Variants in RAB11FIP4 observed in about 807,000 individuals in gnomAD.
RAB11FIP4 encodes RAB11 family interacting protein 4.
A neutral mutation model predicts 74.3 loss-of-function variants in RAB11FIP4; 23 were observed. The ratio of observed to expected loss-of-function variants is 0.31; its 90% CI spans 0.22 to 0.44. RAB11FIP4 has a LOEUF of 0.44. Ranked by LOEUF, RAB11FIP4 falls within the 20% of genes least tolerant of loss-of-function variation. The pLI is 1.00. For synonymous variants in RAB11FIP4, 360 were observed against 359.9 expected, an observed-to-expected ratio of 1.00 and a Z score of 0.00; for missense variants, 630 against 863.9, an observed-to-expected ratio of 0.73 and a Z score of 3.39.
intron 1 of RAB11FIP4, among the ~76,000 whole-genome samples, chr17:31,406,642 T>C (rs74433706): frequency 0.023 from 3,444 of 152,354 alleles, 50 homozygotes; most frequent in Non-Finnish European, 0.034. Context: ...TTGCATTTTT[T>C]CCATGTTGCT....
chr17:31,416,193 C>A (rs2071146444), intron 1 of RAB11FIP4, among the ~76,000 whole-genome samples: 1 of 152,200 alleles, frequency 6.6e-6, no homozygotes, highest in Non-Finnish European at 1.5e-5. Flanking sequence ...CTGGGCGCCA[C>A]TAATTGCGGA....
intron 3 of RAB11FIP4, among the ~76,000 whole-genome samples, chr17:31,478,744 C>T (rs1447071589): frequency 3.3e-5 from 5 of 152,282 alleles, no homozygotes; most frequent in African/African-American, 1.2e-4. Context: ...GCCAAGTCAA[C>T]AGCAGGTAGT....
chr17:31,530,835 C>G (rs534817835), intron 14 of RAB11FIP4: 132 of 209,940 alleles, frequency 6.3e-4, no homozygotes, highest in Middle Eastern at 5.7e-3. Flanking sequence ...TCCCCAGCAC[C>G]TGCTTCTGCG....
At chr17:31,405,655 G>T (rs1315845923) in intron 1 of RAB11FIP4, among the ~76,000 whole-genome samples, 1 of 152,264 alleles carries the variant, frequency 6.6e-6, no homozygotes, top group Admixed American at 6.5e-5. Flanking sequence ...CACCCAGCCT[G>T]CTCTTTATTT....
Position 31,438,122 on chromosome 17 carries a change from C to T in RAB11FIP4, c.336+4000C>T, listed in dbSNP as rs185293653. Among the ~76,000 whole-genome samples, 894 of 152,194 alleles carry T rather than the reference C, an allele frequency of 5.9e-3. 6 individuals carry two copies. Among genetic ancestry groups the T allele is most frequent in the African/African-American group, 0.02 (839 of 41,528 alleles). On this transcript the variant is annotated intron_variant, in intron 3 of 14. Coordinates refer to ENST00000621161, the MANE Select transcript of RAB11FIP4 (RefSeq NM_032932.6). ...GGTCCATGCATGGGGTCCCTGGAATCGCCCTGGGAGTCCCTCTGAGACTGT... is the reference window on the plus strand; with the variant it reads ...GGTCCATGCATGGGGTCCCTGGAATTGCCCTGGGAGTCCCTCTGAGACTGT...
chr17:31,486,512 AG>A (rs1728692357), intron 3 of RAB11FIP4, among the ~76,000 whole-genome samples: 1 of 152,220 alleles, frequency 6.6e-6, no homozygotes, highest in Admixed American at 6.5e-5. Flanking sequence ...CCTAGCCACA[AG>A]TAACCCTCCT....
intron 3 of RAB11FIP4, among the ~76,000 whole-genome samples, chr17:31,489,143 G>T (rs1335826031): frequency 6.6e-6 from 1 of 152,212 alleles, no homozygotes; most frequent in Non-Finnish European, 1.5e-5. Context: ...TCTGCACTTA[G>T]CCTCCACCAG....
chr17:31,418,256 CA>C (rs776900324), intron 1 of RAB11FIP4, among the ~76,000 whole-genome samples: 8 of 152,012 alleles, frequency 5.3e-5, no homozygotes, highest in Admixed American at 5.2e-4. Flanking sequence ...GGTGTGGTGG[CA>C]GGCACCTGTA....
chr17:31,444,007 T>G (rs1374411528), intron 3 of RAB11FIP4, among the ~76,000 whole-genome samples: 2 of 152,184 alleles, frequency 1.3e-5, no homozygotes. Context: ...CAGAAGGGGC[T>G]TTGCCAAACC....
chr17:31,472,530 A>G (rs1370054410), intron 3 of RAB11FIP4, among the ~76,000 whole-genome samples: 1 of 152,250 alleles, frequency 6.6e-6, no homozygotes, highest in Non-Finnish European at 1.5e-5. Context: ...ACCTGCGCAC[A>G]GGAAGACATG....
At position 31,531,632 on chromosome 17, in the gene RAB11FIP4, A is replaced by G. The variant is rs1267687418; in HGVS notation, c.1814A>G (p.Lys605Arg). The part of the protein sequence containing the change: ...ASRDELMEAL[K>R]EQEEINFRLR... ...TTCCTTCAGCTAATGGAAGCCCTGA[A>G]GGAGCAGGAGGAGATCAACTTCCGG... Residue 605 changes from lysine (K) to arginine (R), a missense_variant, in exon 15 of 15, where the codon AAG (lysine) becomes AGG (arginine). Coordinates refer to ENST00000621161, the MANE Select transcript of RAB11FIP4 (RefSeq NM_032932.6). 5.0e-6 allele frequency: 8 copies of G among 1,613,338 alleles called. No individual in the cohort carries two copies. Among genetic ancestry groups the G allele is most frequent in the Non-Finnish European group, 6.8e-6 (8 of 1,179,384 alleles).
intron 3 of RAB11FIP4, among the ~76,000 whole-genome samples, chr17:31,494,723 C>T (rs906576156): frequency 2.6e-5 from 4 of 152,074 alleles, no homozygotes; most frequent in African/African-American, 9.7e-5. Flanking sequence ...GTGATCCTCC[C>T]ACCGCGGCCC....
In RAB11FIP4 at chr17:31,519,143, T is replaced by C. The variant is rs996244483; in HGVS notation, c.563+1266T>C. Among the ~76,000 whole-genome samples, 3 of 150,366 alleles carry C rather than the reference T, an allele frequency of 2.0e-5. No homozygotes were observed. The South Asian group carries it at 6.5e-4, about 32-fold the overall frequency. On this transcript the variant is annotated intron_variant, in intron 4 of 14. Transcript: ENST00000621161. ...CATTCTCCTGCCTCAGCCTCCCAAGTAGCTGGGACTATAGGTGCCCACCAC... is the reference window on the plus strand; with the variant it reads ...CATTCTCCTGCCTCAGCCTCCCAAGCAGCTGGGACTATAGGTGCCCACCAC...
intron 3 of RAB11FIP4, among the ~76,000 whole-genome samples, chr17:31,516,757 G>A (rs558750075): frequency 3.9e-5 from 6 of 152,350 alleles, no homozygotes; most frequent in East Asian, 1.9e-4. Flanking sequence ...GTGAGCCACC[G>A]TGCCTAGAGA....
Position 31,437,100 on chromosome 17 carries a change from T to A in RAB11FIP4, c.336+2978T>A, listed in dbSNP as rs193258922. 1.2e-4 allele frequency among the ~76,000 whole-genome samples: 19 copies of A among 152,266 alleles called. No homozygotes were observed. In the East Asian group the frequency reaches 3.1e-3, roughly 25 times the overall value. On this transcript the variant is annotated intron_variant, in intron 3 of 14. Transcript: ENST00000621161. Reference sequence around the variant, plus strand: ...TGGGTGAACTCCTTTCTGCCCTCCATGGAGGTCTGGCCCCGGCTTGGTTGG... The same window carrying A: ...TGGGTGAACTCCTTTCTGCCCTCCAAGGAGGTCTGGCCCCGGCTTGGTTGG...
chr17:31,523,432 G>A, intron 7 of RAB11FIP4, 80 bp from the exon 8 acceptor site: 1 of 1,121,000 alleles, frequency 8.9e-7, no homozygotes, highest in Non-Finnish European at 1.4e-6. Flanking sequence ...GGTACTGGAT[G>A]CTCGCCTAGC....
At chr17:31,505,701 A>C (rs1238511974) in intron 3 of RAB11FIP4, among the ~76,000 whole-genome samples, 14 of 118,510 alleles carry the variant, frequency 1.2e-4, no homozygotes, top group African/African-American at 4.4e-4. Context: ...ATAATTATAT[A>C]TAATATATTA....
rs901448334 is a variant in RAB11FIP4, at chr17:31,522,127, C to T, written c.893+78C>T. 31 of 1,573,954 alleles carry T rather than the reference C, an allele frequency of 2.0e-5. No individual in the cohort carries two copies. The African/African-American group carries it at 3.2e-4, about 16-fold the overall frequency. The stretch of plus-strand genomic sequence containing the variant: ...CTGGAGGGAGAAGCTACGGGCATGG[C>T]GAGGCGACCCCTGCTGTCTGGGCAG... On this transcript the variant is annotated intron_variant, in intron 6 of 14. Coordinates refer to ENST00000621161, the MANE Select transcript of RAB11FIP4 (RefSeq NM_032932.6).
chr17:31,495,317 C>G (rs998417159), intron 3 of RAB11FIP4, among the ~76,000 whole-genome samples: 1 of 151,706 alleles, frequency 6.6e-6, no homozygotes, highest in East Asian at 1.9e-4. Context: ...GCTGGCTAGC[C>G]TGGCCTAGCC....
Sources: gnomAD v4.1 joint callset for allele counts (sites outside exome capture counted in the v4.1 genomes callset) on GRCh38, gnomAD v4.1.1 for gene constraint, MANE v1.5 for transcripts, NCBI Gene and HGNC (gene_info 2026-07-23, HGNC 2026-07-21) for gene names.